CTNND2: variants seen among roughly 807,000 people sequenced by gnomAD.
CTNND2 encodes catenin delta-2.
CTNND2 carries 22 observed loss-of-function variants against 144.4 expected under a neutral mutation model. The observed-to-expected ratio is 0.15, with a 90% CI of 0.11 to 0.22. CTNND2 has a LOEUF of 0.22. CTNND2 is among the 10% of genes least tolerant of loss of function. The probability of loss-of-function intolerance (pLI) is 1.00; values close to 1 mark genes in which losing one functional copy is unlikely to be tolerated. For missense variants in CTNND2, 1,353 were observed against 1,618.8 expected, an observed-to-expected ratio of 0.84 and a Z score of 2.82; for synonymous variants, 751 against 695.6, an observed-to-expected ratio of 1.08 and a Z score of -1.25.
intron 9 of CTNND2, among the ~76,000 whole-genome samples, chr5:11,246,233 T>C (rs546507678): frequency 6.6e-6 from 1 of 152,262 alleles, no homozygotes; most frequent in South Asian, 2.1e-4. Flanking sequence ...GTGATACATG[T>C]GTAGTGGGTT....
In CTNND2 at chr5:11,339,397, G is replaced by A. The variant is rs139213386; in HGVS notation, c.1628+6975C>T. On this transcript the variant is annotated intron_variant, in intron 9 of 21. Coordinates refer to ENST00000304623, the MANE Select transcript of CTNND2 (RefSeq NM_001332.4). ...AGGCAGATGTGACAAAAGCAGTACC[G>A]CGGGAGGAGGTGAGGGCTGGTACAT... Among the ~76,000 whole-genome samples, 620 of 152,214 alleles carry A rather than the reference G, an allele frequency of 4.1e-3. 2 individuals are homozygous for A. Among genetic ancestry groups the A allele is most frequent in the African/African-American group, 0.014 (581 of 41,522 alleles).
chr5:11,488,401 A>C (rs1337593261), intron 3 of CTNND2, among the ~76,000 whole-genome samples: 1 of 152,172 alleles, frequency 6.6e-6, no homozygotes, highest in East Asian at 1.9e-4. Context: ...ACACTATCTA[A>C]ATACAGTTAT....
At chr5:11,801,781 A>C (rs1791695433) in intron 1 of CTNND2, among the ~76,000 whole-genome samples, 1 of 152,224 alleles carries the variant, frequency 6.6e-6, no homozygotes. Context: ...GACAATAATC[A>C]GTAATTCTGA....
chr5:11,598,038 A>C (rs1779606423), intron 2 of CTNND2, among the ~76,000 whole-genome samples: 2 of 152,190 alleles, frequency 1.3e-5, no homozygotes, highest in Non-Finnish European at 2.9e-5. Flanking sequence ...TGTTGTATCC[A>C]AAAAGCAGTT....
At chr5:11,675,399 G>A (rs1190009795) in intron 2 of CTNND2, among the ~76,000 whole-genome samples, 5 of 152,016 alleles carry the variant, frequency 3.3e-5, no homozygotes, top group Non-Finnish European at 2.9e-5. Context: ...ATCCAAGTAG[G>A]GATGAATGCC....
chr5:11,331,971 T>A (rs190918006), intron 9 of CTNND2, among the ~76,000 whole-genome samples: 3 of 152,216 alleles, frequency 2.0e-5, no homozygotes, highest in East Asian at 1.9e-4. Context: ...GTAAGCTAAG[T>A]ACCCTGATTT....
chr5:11,251,466 T>C (rs1257662770), intron 9 of CTNND2, among the ~76,000 whole-genome samples: 4 of 152,218 alleles, frequency 2.6e-5, no homozygotes, highest in African/African-American at 9.6e-5. Context: ...GATGACATCA[T>C]TGAAAGGAAT....
intron 9 of CTNND2, among the ~76,000 whole-genome samples, chr5:11,284,576 C>T (rs548076886): frequency 6.6e-6 from 1 of 152,262 alleles, no homozygotes; most frequent in East Asian, 1.9e-4. Context: ...ACTCAAGTCC[C>T]TGCAAAGGAC....
intron 2 of CTNND2, among the ~76,000 whole-genome samples, chr5:11,635,228 T>C (rs140159880): frequency 6.6e-6 from 1 of 152,012 alleles, no homozygotes; most frequent in Non-Finnish European, 1.5e-5. Context: ...TAGAAGAATA[T>C]GGAACAAAAA....
At chr5:11,448,691 C>T (rs1028355341) in intron 3 of CTNND2, among the ~76,000 whole-genome samples, 5 of 152,082 alleles carry the variant, frequency 3.3e-5, no homozygotes, top group Non-Finnish European at 7.4e-5. Flanking sequence ...ATTTTTTGAA[C>T]AGGATCTCAC....
rs897542629 is a variant in CTNND2, at chr5:11,473,307, A to G, written c.288-61238T>C. Among the ~76,000 whole-genome samples, 37 of 152,164 alleles carry G rather than the reference A, an allele frequency of 2.4e-4. 1 individual carries two copies. The highest frequency in any genetic ancestry group is 7.2e-4 in the African/African-American group (30 of 41,436). ...AGAAAATGCAAAATCAGTAAGATAC[A>G]AGTGTGGCTGGCAGTATCTTCTAGC... On this transcript the variant is annotated intron_variant, in intron 3 of 21. Transcript: ENST00000304623.
chr5:11,327,868 A>T (rs1752691030), intron 9 of CTNND2, among the ~76,000 whole-genome samples: 1 of 152,218 alleles, frequency 6.6e-6, no homozygotes, highest in Admixed American at 6.5e-5. Context: ...CAGGTCTTAG[A>T]ACCTTATTTC....
At chr5:11,609,623 T>G (rs1304348081) in intron 2 of CTNND2, among the ~76,000 whole-genome samples, 2 of 152,182 alleles carry the variant, frequency 1.3e-5, no homozygotes, top group African/African-American at 4.8e-5. Flanking sequence ...ATAATTCCAA[T>G]ACTTATTTTT....
chr5:11,778,369 A>C (rs955845924), intron 1 of CTNND2, among the ~76,000 whole-genome samples: 45 of 152,264 alleles, frequency 3.0e-4, no homozygotes, highest in African/African-American at 9.9e-4. Flanking sequence ...CACCTCTTTC[A>C]AATGGCTTTG....
At chr5:11,428,441 G>C (rs567041292) in intron 3 of CTNND2, among the ~76,000 whole-genome samples, 41 of 152,264 alleles carry the variant, frequency 2.7e-4, no homozygotes, top group African/African-American at 9.6e-4. Context: ...ACTTGCCTTA[G>C]ATGAGGCCAA....
intron 8 of CTNND2, among the ~76,000 whole-genome samples, chr5:11,349,988 T>C (rs892529618): frequency 6.6e-6 from 1 of 152,096 alleles, no homozygotes; most frequent in Non-Finnish European, 1.5e-5. Flanking sequence ...ACACAAAACA[T>C]TAGTCGGGCG....
chr5:11,236,652 A>C, intron 10 of CTNND2, 39 bp downstream of exon 10: 1 of 1,608,798 alleles, frequency 6.2e-7, no homozygotes, highest in Non-Finnish European at 8.5e-7. Flanking sequence ...GTGCTTATGA[A>C]TCTGACACCA....
chr5:11,710,118 T>A (rs1446072869), intron 2 of CTNND2, among the ~76,000 whole-genome samples: 1 of 152,058 alleles, frequency 6.6e-6, no homozygotes. Flanking sequence ...TGACTATGCA[T>A]CCCAAGAGAA....
chr5:11,263,690 A>T (rs1745150308), intron 9 of CTNND2, among the ~76,000 whole-genome samples: 1 of 152,198 alleles, frequency 6.6e-6, no homozygotes, highest in South Asian at 2.1e-4. Context: ...TGAGCCTTGA[A>T]TTCATGCCTT....
Sources: gnomAD v4.1 joint callset for allele counts (sites outside exome capture counted in the v4.1 genomes callset) on GRCh38, gnomAD v4.1.1 for gene constraint, MANE v1.5 for transcripts, NCBI Gene and HGNC (gene_info 2026-07-23, HGNC 2026-07-21) for gene names.